WDR72: variants seen among roughly 807,000 people sequenced by gnomAD.
WDR72 encodes the protein WD repeat domain 72, also known as WD repeat-containing protein 72.
A neutral mutation model predicts 124.2 loss-of-function variants in WDR72; 120 were observed. The observed-to-expected ratio is 0.97, with a 90% CI of 0.83 to 1.12. The LOEUF is 1.12. Among genes scored for constraint, WDR72 ranks in the 50% most tolerant of loss-of-function variants. WDR72 has a pLI of 0.00. For missense variants in WDR72, 1,387 were observed against 1,278.8 expected, an observed-to-expected ratio of 1.08 and a Z score of -1.29; for synonymous variants, 452 against 441.7, an observed-to-expected ratio of 1.02 and a Z score of -0.29.
intron 18 of WDR72, among the ~76,000 whole-genome samples, chr15:53,531,762 G>A (rs532412569): frequency 9.8e-6 from 1 of 101,580 alleles, no homozygotes; most frequent in Admixed American, 1.2e-4. Context: ...ATATTGGAGA[G>A]CTAAGAAATA....
chr15:53,685,877 C>T (rs958688771), intron 13 of WDR72, among the ~76,000 whole-genome samples: 3 of 121,832 alleles, frequency 2.5e-5, no homozygotes, highest in Non-Finnish European at 5.0e-5. Flanking sequence ...AGAAACCCTA[C>T]AAGCCAGAAG....
intron 16 of WDR72, among the ~76,000 whole-genome samples, chr15:53,612,844 G>A (rs999988157): frequency 2.6e-5 from 4 of 151,878 alleles, no homozygotes; most frequent in African/African-American, 9.7e-5. Flanking sequence ...ACAGAGAGAT[G>A]ATCAGGAGCC....
At chr15:53,678,109 C>T (rs911539731) in intron 13 of WDR72, among the ~76,000 whole-genome samples, 2 of 151,974 alleles carry the variant, frequency 1.3e-5, no homozygotes, top group Non-Finnish European at 2.9e-5. Context: ...GTTTGGTTGG[C>T]AATACAGAGA....
chr15:53,648,576 A>T (rs111874072), intron 14 of WDR72, among the ~76,000 whole-genome samples: 2 of 152,074 alleles, frequency 1.3e-5, no homozygotes, highest in Non-Finnish European at 2.9e-5. Context: ...CAAAGGACAA[A>T]TTTTTTTTAA....
intron 14 of WDR72, among the ~76,000 whole-genome samples, chr15:53,632,460 C>T (rs543588287): frequency 2.0e-5 from 3 of 152,234 alleles, no homozygotes; most frequent in East Asian, 3.9e-4. Context: ...AGAACCTCTA[C>T]TAGAGCACTG....
intron 14 of WDR72, among the ~76,000 whole-genome samples, chr15:53,625,467 A>G (rs1028267488): frequency 6.6e-6 from 1 of 152,224 alleles, no homozygotes; most frequent in Admixed American, 6.5e-5. Context: ...GTGGCACTAA[A>G]GAACAATCCA....
intron 14 of WDR72, among the ~76,000 whole-genome samples, chr15:53,657,199 G>A (rs1475092559): frequency 8.0e-6 from 1 of 124,478 alleles, no homozygotes; most frequent in Non-Finnish European, 1.6e-5. Context: ...GGGAGGCACA[G>A]ACTGCAGTGA....
At chr15:53,609,635 A>T (rs768820299) in intron 16 of WDR72, 43 bp from the exon 17 acceptor site, 1 of 1,515,536 alleles carries the variant, frequency 6.6e-7, no homozygotes, top group Non-Finnish European at 9.2e-7. Context: ...GAGTATTAAA[A>T]ATGGATAATG....
chr15:53,706,276 T>C (rs769156473), intron 9 of WDR72, among the ~76,000 whole-genome samples: 4 of 149,038 alleles, frequency 2.7e-5, no homozygotes, highest in Admixed American at 6.7e-5. Flanking sequence ...AGCAAAGTCA[T>C]AGACCTCAGA....
intron 2 of WDR72, among the ~76,000 whole-genome samples, chr15:53,731,478 T>C (rs998020940): frequency 6.6e-6 from 1 of 151,960 alleles, no homozygotes; most frequent in African/African-American, 2.4e-5. Flanking sequence ...ATATGACCTT[T>C]GTAGTATCTC....
intron 1 of WDR72, among the ~76,000 whole-genome samples, chr15:53,742,553 C>G (rs558987): frequency 0.98 from 148,779 of 152,272 alleles, 72,771 homozygotes; most frequent in East Asian, 1. Context: ...TTTTAAATCT[C>G]ATCTATTTAA....
intron 14 of WDR72, among the ~76,000 whole-genome samples, chr15:53,628,807 AT>A (rs530300824): frequency 1.3e-5 from 2 of 151,936 alleles, no homozygotes; most frequent in Non-Finnish European, 2.9e-5. Flanking sequence ...CCAACAATAG[AT>A]TTTTTTTAAT....
At chr15:53,709,094 A>G (rs2017463716) in intron 9 of WDR72, among the ~76,000 whole-genome samples, 1 of 152,250 alleles carries the variant, frequency 6.6e-6, no homozygotes, top group Admixed American at 6.5e-5. Flanking sequence ...AGTCTTTTCT[A>G]AGCTCACTGA....
chr15:53,643,843 G>T (rs1226179676), intron 14 of WDR72, among the ~76,000 whole-genome samples: 2 of 151,788 alleles, frequency 1.3e-5, no homozygotes, highest in African/African-American at 4.8e-5. Context: ...AAAAATGAAA[G>T]AAAATACATT....
intron 14 of WDR72, among the ~76,000 whole-genome samples, chr15:53,625,557 G>C (rs1489089745): frequency 1.3e-5 from 2 of 152,188 alleles, no homozygotes; most frequent in African/African-American, 4.8e-5. Context: ...AACAGCAGGT[G>C]GGGAGTAGGC....
In WDR72 at chr15:53,715,362, G is replaced by T; in HGVS notation, c.345C>A (p.Tyr115Ter). Residue 115 changes from tyrosine to a stop codon, truncating the protein, a stop_gained, in exon 5 of 20, where the codon TAC (tyrosine) becomes TAA (stop). Coordinates refer to ENST00000360509, the MANE Select transcript of WDR72 (RefSeq NM_182758.4). LOFTEE classifies it high-confidence loss of function. ...CTCCTGTCATCCGGAATGAGCAGTG[G>T]TAATACTACGTACATGGAAAGCAAA... ...LPYRHTAICY[Y>*]HCSFRMTGEG... 1 of 1,614,068 alleles carries T rather than the reference G, an allele frequency of 6.2e-7. No individual in the cohort carries two copies. Among genetic ancestry groups the T allele is most frequent in the Non-Finnish European group, 8.5e-7 (1 of 1,179,978 alleles).
At chr15:53,518,542 TTA>T (rs2140197199) in intron 19 of WDR72, among the ~76,000 whole-genome samples, 1 of 151,934 alleles carries the variant, frequency 6.6e-6, no homozygotes, top group South Asian at 2.1e-4. Flanking sequence ...AAGAAAGTGC[TTA>T]TATCTTCCTA....
In WDR72 at chr15:53,711,442, C is replaced by G. The variant is rs749361278; in HGVS notation, c.751G>C (p.Val251Leu). 1 of 1,614,092 alleles carries G rather than the reference C, an allele frequency of 6.2e-7. No individual in the cohort carries two copies. The highest frequency in any genetic ancestry group is 1.1e-5 in the South Asian group (1 of 91,086). ...GCAAAGAACTGCCCATTTCTACTAACTTCAGTCAGCAGAAGGGAAAAATCA... is the reference window on the plus strand; with the variant it reads ...GCAAAGAACTGCCCATTTCTACTAAGTTCAGTCAGCAGAAGGGAAAAATCA... The part of the protein sequence containing the change: ...YCDFSLLLTE[V>L]SRNGQFFAGG... Residue 251 changes from valine to leucine, a missense_variant, in exon 8 of 20, where the codon GTT becomes CTT. By Grantham distance (32) the Val-to-Leu change is conservative (BLOSUM62 1). Transcript: ENST00000360509.
At chr15:53,525,713 A>G (rs996908314) in intron 18 of WDR72, among the ~76,000 whole-genome samples, 8 of 152,062 alleles carry the variant, frequency 5.3e-5, no homozygotes, top group Non-Finnish European at 8.8e-5. Flanking sequence ...ACCATGCTAC[A>G]ACTTTGCTTC....
Sources: allele counts gnomAD v4.1 joint callset (sites outside exome capture counted in the v4.1 genomes callset), GRCh38; gene constraint gnomAD v4.1.1; transcripts MANE v1.5; gene names NCBI Gene and HGNC (gene_info 2026-07-23, HGNC 2026-07-21).